ERC2: variants seen among roughly 807,000 people sequenced by gnomAD.
ERC2 encodes the protein ERC protein 2.
A neutral mutation model predicts 114.8 loss-of-function variants in ERC2; 42 were observed. That is an observed-to-expected ratio of 0.37 (90% CI 0.29 to 0.47). The LOEUF (loss-of-function observed/expected upper bound fraction) is 0.47, where lower values mean the gene tolerates loss of function less well. Ranked by LOEUF, ERC2 falls within the 20% of genes least tolerant of loss-of-function variation. The pLI, the probability that ERC2 is intolerant of heterozygous loss-of-function variation, is 0.99. For missense variants in ERC2, 939 were observed against 1,150.7 expected (o/e 0.82, Z 2.66); for synonymous variants, 454 against 425.5 (o/e 1.07, Z -0.82).
chr3:55,831,530 G>C (rs1206368695), intron 14 of ERC2, among the ~76,000 whole-genome samples: 1 of 152,008 alleles, frequency 6.6e-6, no homozygotes, highest in Non-Finnish European at 1.5e-5. Context: ...AAAGGAGGCA[G>C]GGGAAAACAC....
At chr3:55,862,934 G>A (rs918600674) in intron 14 of ERC2, among the ~76,000 whole-genome samples, 1 of 152,130 alleles carries the variant, frequency 6.6e-6, no homozygotes, top group Non-Finnish European at 1.5e-5. Context: ...GACATTACTG[G>A]AGAGCCTGTG....
intron 2 of ERC2, among the ~76,000 whole-genome samples, chr3:56,381,264 A>G (rs901380854): frequency 9.2e-5 from 14 of 152,166 alleles, no homozygotes; most frequent in African/African-American, 1.9e-4. Context: ...GCCCATCCCA[A>G]TGAAGGAAAA....
At chr3:55,975,668 T>C (rs1307986199) in intron 12 of ERC2, among the ~76,000 whole-genome samples, 3 of 152,246 alleles carry the variant, frequency 2.0e-5, no homozygotes, top group Admixed American at 1.3e-4. Flanking sequence ...TCCCAGAAGA[T>C]ACTCCTCGTT....
At chr3:56,288,903 T>G (rs1042539170) in intron 3 of ERC2, among the ~76,000 whole-genome samples, 2 of 152,178 alleles carry the variant, frequency 1.3e-5, no homozygotes, top group Non-Finnish European at 2.9e-5. Context: ...TCAATTCTAG[T>G]GGTTAAATAC....
intron 6 of ERC2, among the ~76,000 whole-genome samples, chr3:56,090,830 G>A (rs1289385541): frequency 6.6e-6 from 1 of 150,758 alleles, no homozygotes; most frequent in Non-Finnish European, 1.5e-5. Context: ...TTTGTCCACT[G>A]TAGACCTAGA....
chr3:56,089,312 A>G (rs1428767424), intron 6 of ERC2, among the ~76,000 whole-genome samples: 1 of 152,158 alleles, frequency 6.6e-6, no homozygotes, highest in African/African-American at 2.4e-5. Context: ...AGTGAATGGT[A>G]TTTGAGATCT....
At chr3:55,639,253 C>G (rs1211099066) in intron 17 of ERC2, among the ~76,000 whole-genome samples, 4 of 152,148 alleles carry the variant, frequency 2.6e-5, no homozygotes, top group Admixed American at 2.6e-4. Flanking sequence ...AGAGCACTAC[C>G]TTCATCCACA....
intron 6 of ERC2, among the ~76,000 whole-genome samples, chr3:56,112,287 A>G (rs1260766810): frequency 6.6e-6 from 1 of 152,224 alleles, no homozygotes; most frequent in Non-Finnish European, 1.5e-5. Context: ...TTCCAAAGGC[A>G]GCATATAACC....
At chr3:55,689,578 G>A (rs1357678564) in intron 16 of ERC2, among the ~76,000 whole-genome samples, 1 of 152,142 alleles carries the variant, frequency 6.6e-6, no homozygotes, top group Non-Finnish European at 1.5e-5. Context: ...TAAACAAAGT[G>A]AAAATTGTGT....
chr3:55,899,139 G>A (rs180972044), intron 13 of ERC2, among the ~76,000 whole-genome samples: 2 of 152,252 alleles, frequency 1.3e-5, no homozygotes, highest in African/African-American at 4.8e-5. Flanking sequence ...TCACAACTTT[G>A]TTGTCCAATG....
chr3:55,950,607 C>A, intron 12 of ERC2, 47 bp from the exon 13 acceptor site: 1 of 1,605,886 alleles, frequency 6.2e-7, no homozygotes, highest in Middle Eastern at 1.7e-4. Flanking sequence ...ACTGGAAGAT[C>A]ATATGTTATC....
chr3:55,991,556 C>T (rs532772905), intron 11 of ERC2, among the ~76,000 whole-genome samples: 1 of 152,314 alleles, frequency 6.6e-6, no homozygotes, highest in East Asian at 1.9e-4. Context: ...AAGAGATAAA[C>T]CTCCAGGATG....
chr3:56,011,192 T>C (rs2072905930), intron 8 of ERC2, among the ~76,000 whole-genome samples: 1 of 152,264 alleles, frequency 6.6e-6, no homozygotes, highest in African/African-American at 2.4e-5. Flanking sequence ...CTGTGTTTTT[T>C]CAGTGGTTTC....
chr3:56,205,435 T>C (rs550991848), intron 3 of ERC2, among the ~76,000 whole-genome samples: 9 of 152,148 alleles, frequency 5.9e-5, no homozygotes, highest in Admixed American at 6.6e-5. Flanking sequence ...AGGACCCCAA[T>C]TACTCTAGCA....
intron 7 of ERC2, among the ~76,000 whole-genome samples, chr3:56,069,054 C>T (rs2076609277): frequency 6.6e-6 from 1 of 152,170 alleles, no homozygotes; most frequent in South Asian, 2.1e-4. Context: ...TCTATCAGGT[C>T]CACTTGATCT....
chr3:56,434,180 A>G lies in ERC2; in HGVS notation c.657+171T>C. The G allele has an allele frequency of 4.9e-6, 3 of 611,100 alleles. No homozygotes were observed. The South Asian group carries it at 6.7e-5, about 14-fold the overall frequency. 37.9% of individuals were successfully genotyped at this position (611,100 alleles called of 1,614,324 possible). A position where few individuals can be genotyped will look rare whatever the true frequency, so the allele number is the denominator to read the frequency against. On this transcript the variant is annotated intron_variant, in intron 2 of 17. Transcript: ENST00000288221. ...GAAAATAAGGAAATTACAAGCTGTA[A>G]TGGTATATTTCCTATGCTCTCTCAT... is the stretch of plus-strand genomic sequence containing the variant.
chr3:56,253,935 A>G (rs559471441), intron 3 of ERC2, among the ~76,000 whole-genome samples: 53 of 152,214 alleles, frequency 3.5e-4, no homozygotes, highest in Non-Finnish European at 6.5e-4. Flanking sequence ...CCCAAACTCA[A>G]AGAAAAGCTC....
intron 13 of ERC2, among the ~76,000 whole-genome samples, chr3:55,923,569 T>C (rs752385724): frequency 6.6e-6 from 1 of 152,126 alleles, no homozygotes; most frequent in Non-Finnish European, 1.5e-5. Flanking sequence ...AAACAAGGAA[T>C]TATTTTCAAT....
chr3:56,118,192 T>A (rs189009529), intron 6 of ERC2, among the ~76,000 whole-genome samples: 1 of 152,162 alleles, frequency 6.6e-6, no homozygotes, highest in Non-Finnish European at 1.5e-5. Context: ...GCCTTATTTA[T>A]AGGGACCATG....
Sources: allele counts gnomAD v4.1 joint callset (sites outside exome capture counted in the v4.1 genomes callset), GRCh38; gene constraint gnomAD v4.1.1; transcripts MANE v1.5; gene names NCBI Gene and HGNC (gene_info 2026-07-23, HGNC 2026-07-21).